The following BAZ2A variants were observed in gnomAD, a reference collection of about 807,000 sequenced individuals.
BAZ2A encodes the protein bromodomain adjacent to zinc finger domain 2A, also known as bromodomain adjacent to zinc finger domain protein 2A.
Under a neutral mutation model 199.9 loss-of-function variants are expected in BAZ2A, and 34 were observed. The observed-to-expected ratio is 0.17, with a 90% CI of 0.13 to 0.23. The LOEUF is 0.23. Among genes scored for constraint, BAZ2A ranks in the 10% least tolerant of loss-of-function variants. The probability of loss-of-function intolerance (pLI) is 1.00; values close to 1 mark genes in which losing one functional copy is unlikely to be tolerated. For synonymous variants in BAZ2A, 857 were observed against 883.9 expected (o/e 0.97, Z 0.54); for missense variants, 2,002 against 2,391.1 (o/e 0.84, Z 3.39).
At chr12:56,630,095 C>A in intron 1 of BAZ2A, 30 bp downstream of exon 1, 5 of 969,142 alleles carry the variant, frequency 5.2e-6, no homozygotes, top group Non-Finnish European at 6.1e-6. Context: ...CTCCCTCCCC[C>A]TCAGGCCCCT....
chr12:56,617,418 A>T lies in BAZ2A; in HGVS notation c.113T>A (p.Met38Lys). 1 of 1,603,544 alleles carries T rather than the reference A, an allele frequency of 6.2e-7. No homozygotes were observed. The highest frequency in any genetic ancestry group is 1.1e-5 in the South Asian group (1 of 88,612). Residue 38 changes from methionine to lysine, a missense_variant, in exon 2 of 29, where the codon ATG becomes AAG. Around this residue, in one of 6 missense-constraint regions of BAZ2A, gnomAD observed 641 missense variants for 694.5 expected, o/e 0.92. Coordinates refer to ENST00000549884, the MANE Select transcript of BAZ2A (RefSeq NM_001300905.2). ...ACTTTTCCCTTGCTGGGGGAAGTTC[A>T]TGGGAGACCCGTTAGTGTAGAGGCC... ...GEGLYTNGSP[M>K]NFPQQGKSLN... is the part of the protein sequence containing the mutation.
In BAZ2A at chr12:56,598,640, T is replaced by G; in HGVS notation, c.5690A>C (p.Gln1897Pro). 1.2e-6 allele frequency: 2 copies of G among 1,613,756 alleles called. No individual in the cohort carries two copies. The highest frequency in any genetic ancestry group is 1.7e-6 in the Non-Finnish European group (2 of 1,179,836). The change falls in exon 29 of 29, where the codon CAG (glutamine) becomes CCG (proline). Residue 1897 changes from glutamine to proline, a missense_variant. By Grantham distance (76) the Gln-to-Pro change is moderately conservative. This residue lies in a region of BAZ2A where 76 missense variants were observed against 139.3 expected (regional missense o/e 0.55). Coordinates refer to ENST00000549884, the MANE Select transcript of BAZ2A (RefSeq NM_001300905.2). The stretch of plus-strand genomic sequence containing the variant: ...GCCTCACAGATTGGCCTGTTTTCCC[T>G]GATAAAACTCCTCCCAGCGGCTCTC... The part of the protein sequence containing the change: ...FFESRWEEFY[Q>P]GKQANL
intron 4 of BAZ2A, among the ~76,000 whole-genome samples, chr12:56,613,527 A>T (rs1410211552): frequency 6.6e-6 from 1 of 152,180 alleles, no homozygotes; most frequent in Non-Finnish European, 1.5e-5. Flanking sequence ...AAATGAAAGG[A>T]AAGGCATTGG....
At chr12:56,604,863 T>C in intron 14 of BAZ2A, 64 bp from the exon 15 acceptor site, 18 of 1,537,190 alleles carry the variant, frequency 1.2e-5, no homozygotes, top group Non-Finnish European at 1.6e-5. Flanking sequence ...TGGGTGAATG[T>C]GCAAGAGGAA....
At position 56,609,762 on chromosome 12, in the gene BAZ2A, C is replaced by A. The variant is rs771601416; in HGVS notation, c.2066G>T (p.Arg689Leu). The change falls in exon 10 of 29, where the codon CGC becomes CTC. Residue 689 changes from arginine to leucine, a missense_variant. Arg to Leu is a moderately radical substitution (Grantham distance 102). Transcript: ENST00000549884. ...TTGGGCCTCCAGTTTCTTTAGGGGG[C>A]GGTTGTCTGTCTTGTTCAATAGCTC... is the stretch of plus-strand genomic sequence containing the variant. ...ITELLNKTDNRPLKKLEAQET... is the reference protein window; with the variant it reads ...ITELLNKTDNLPLKKLEAQET... 1 of 1,613,782 alleles carries A rather than the reference C, an allele frequency of 6.2e-7. No homozygotes were observed. The highest frequency in any genetic ancestry group is 8.5e-7 in the Non-Finnish European group (1 of 1,179,816).
intron 18 of BAZ2A, 126 bp downstream of exon 18, chr12:56,603,233 A>G: frequency 9.1e-7 from 1 of 1,102,084 alleles, no homozygotes; most frequent in Non-Finnish European, 1.3e-6. Context: ...GTGCCACTGC[A>G]CTCCAGCCTG....
At chr12:56,606,549 G>T in intron 11 of BAZ2A, 84 bp downstream of exon 11, 1 of 1,366,218 alleles carries the variant, frequency 7.3e-7, no homozygotes, top group Non-Finnish European at 1.0e-6. Context: ...CACAGGGAGT[G>T]ACGGATGTGG....
Position 56,606,235 on chromosome 12 carries a change from A to G in BAZ2A, c.2259+12T>C. 1.9e-6 allele frequency: 3 copies of G among 1,613,958 alleles called. No individual in the cohort carries two copies. The highest frequency in any genetic ancestry group is 2.5e-6 in the Non-Finnish European group (3 of 1,179,834). ...TCGAAATTATACTTGGCAAGTTTGT[A>G]CATGCACCTACCTTGGATTTCTTCT... On this transcript the variant is annotated intron_variant, in intron 12 of 28. Coordinates refer to ENST00000549884, the MANE Select transcript of BAZ2A (RefSeq NM_001300905.2).
At position 56,599,723 on chromosome 12, in the gene BAZ2A, G is replaced by C; in HGVS notation, c.5151C>G (p.Phe1717Leu). 2 of 1,613,884 alleles carry C rather than the reference G, an allele frequency of 1.2e-6. No homozygotes were observed. The highest frequency in any genetic ancestry group is 1.7e-6 in the Non-Finnish European group (2 of 1,179,888). ...TTACCTGAGCCAAACAGACAGTACA[G>C]AACCAATCTCCTTCTGGGACAGCCT... ...KMEAVPEGDW[F>L]CTVCLAQQVE... The change falls in exon 26 of 29, where the codon TTC becomes TTG. Residue 1717 changes from phenylalanine to leucine, a missense_variant. By Grantham distance (22) the Phe-to-Leu change is conservative. Transcript: ENST00000549884.
chr12:56,601,162 C>CG lies in BAZ2A; in HGVS notation c.4294+17_4294+18insC. 1 of 1,614,000 alleles carries CG rather than the reference C, an allele frequency of 6.2e-7. No homozygotes were observed. The highest frequency in any genetic ancestry group is 2.2e-5 in the East Asian group (1 of 44,884). ...AAGCACTGCCCACACCGGATGCCCT[C>CG]ACTCCAAGGTCACTCACCAGGTGGG... On this transcript the variant is annotated intron_variant, in intron 21 of 28. Transcript: ENST00000549884.
intron 1 of BAZ2A, among the ~76,000 whole-genome samples, chr12:56,622,506 T>C (rs181833839): frequency 6.6e-6 from 1 of 152,060 alleles, no homozygotes; most frequent in East Asian, 1.9e-4. Context: ...ACGAAAAACA[T>C]GTGAACACCT....
At chr12:56,618,447 T>G (rs1237972251) in intron 1 of BAZ2A, among the ~76,000 whole-genome samples, 1 of 151,942 alleles carries the variant, frequency 6.6e-6, no homozygotes, top group Non-Finnish European at 1.5e-5. Context: ...GAATTTAACT[T>G]TGACAGAGGA....
At chr12:56,599,443 G>A (rs1886192031) in intron 26 of BAZ2A, 85 bp from the exon 27 acceptor site, 1 of 1,453,354 alleles carries the variant, frequency 6.9e-7, no homozygotes, top group Non-Finnish European at 9.3e-7. Flanking sequence ...TATGATTTAA[G>A]GCTTCAAAAT....
intron 1 of BAZ2A, among the ~76,000 whole-genome samples, chr12:56,619,149 G>C (rs1229887967): frequency 1.3e-5 from 2 of 151,862 alleles, no homozygotes; most frequent in East Asian, 1.9e-4. Context: ...TTCAAGACCA[G>C]CCTGGCCAAC....
rs1265445328 is a variant in BAZ2A at position 56,598,010 on chromosome 12, A to G, written c.*608T>C. On this transcript the variant is annotated 3_prime_UTR_variant, in exon 29 of 29. Coordinates refer to ENST00000549884, the MANE Select transcript of BAZ2A (RefSeq NM_001300905.2). ...AAGGAGGGAGGAACCCGTACACGAT[A>G]GTTTTACATTATTGGATGAGAGAAA... 7 of 144,824 alleles carry G rather than the reference A, an allele frequency of 4.8e-5. No individual in the cohort carries two copies. In the East Asian group the frequency reaches 1.6e-3, roughly 33 times the overall value. 9.0% of individuals were successfully genotyped at this position (144,824 alleles called of 1,614,324 possible). A position where few individuals can be genotyped will look rare whatever the true frequency, so the allele number is the denominator to read the frequency against.
intron 19 of BAZ2A, 151 bp downstream of exon 19, chr12:56,602,562 G>A (rs1489053225): frequency 9.6e-7 from 1 of 1,036,496 alleles, no homozygotes; most frequent in African/African-American, 1.6e-5. Flanking sequence ...GGCAGAGCAG[G>A]TGGGTAGGCA....
chr12:56,617,523 G>A lies in BAZ2A; in HGVS notation c.8C>T (p.Ala3Val). The A allele has an allele frequency of 6.2e-7, 1 of 1,606,900 alleles. No homozygotes were observed. The highest frequency in any genetic ancestry group is 2.2e-5 in the East Asian group (1 of 44,554). ME[A>V]NDHFNFTGLP... ...GCCAGTAAAGTTAAAATGGTCGTTT[G>A]CCTCCATTTCTGCAGGAGGGGAGAG... The change falls in exon 2 of 29, where the codon GCA (alanine) becomes GTA (valine). Residue 3 changes from alanine (A) to valine (V), a missense_variant. This residue lies in a region of BAZ2A where 641 missense variants were observed against 694.5 expected (regional missense o/e 0.92). Coordinates refer to ENST00000549884, the MANE Select transcript of BAZ2A (RefSeq NM_001300905.2).
In BAZ2A at chr12:56,598,988, G is replaced by C. The variant is rs758332231; in HGVS notation, c.5426C>G (p.Ser1809Cys). The C allele has an allele frequency of 1.5e-5, 24 of 1,611,204 alleles. No homozygotes were observed. Among genetic ancestry groups the C allele is most frequent in the Non-Finnish European group, 2.0e-5 (23 of 1,178,892 alleles). The change falls in exon 28 of 29, where the codon TCC (serine) becomes TGC (cysteine). Residue 1809 changes from serine (S) to cysteine (C), a missense_variant. Transcript: ENST00000549884. ...FCEIILMEME[S>C]HDAAWPFLEP... ...TAGGAAAGGCCAGGCTGCATCATGGGACTCCATCTCCATCAGGATAATCCT... is the reference window on the plus strand; with the variant it reads ...TAGGAAAGGCCAGGCTGCATCATGGCACTCCATCTCCATCAGGATAATCCT...
intron 1 of BAZ2A, among the ~76,000 whole-genome samples, chr12:56,620,576 T>C (rs1950888033): frequency 6.7e-6 from 1 of 148,736 alleles, no homozygotes; most frequent in African/African-American, 2.5e-5. Flanking sequence ...TTTTTTTTTT[T>C]GAGACAGAGT....
Sources: allele counts gnomAD v4.1 joint callset (sites outside exome capture counted in the v4.1 genomes callset), GRCh38; gene constraint gnomAD v4.1.1; regional missense constraint gnomAD v4.1.1; transcripts MANE v1.5; gene names NCBI Gene and HGNC (gene_info 2026-07-23, HGNC 2026-07-21).